The following ANAPC4 variants were observed in gnomAD, a reference collection of about 807,000 sequenced individuals.
The protein encoded by ANAPC4 is anaphase promoting complex subunit 4.
ANAPC4 carries 63 observed loss-of-function variants against 119.8 expected under a neutral mutation model. The ratio of observed to expected loss-of-function variants is 0.53; its 90% CI spans 0.43 to 0.65. ANAPC4 has a LOEUF of 0.65. Among genes scored for constraint, ANAPC4 ranks in the 30% least tolerant of loss-of-function variants. The pLI is 0.00. For synonymous variants in ANAPC4, 283 were observed against 318.6 expected (o/e 0.89, Z 1.19); for missense variants, 716 against 945.1 (o/e 0.76, Z 3.18).
chr4:25,386,710 C>G (rs1722057242), intron 4 of ANAPC4, among the ~76,000 whole-genome samples: 1 of 152,142 alleles, frequency 6.6e-6, no homozygotes, highest in Non-Finnish European at 1.5e-5. Context: ...AATAGACTTG[C>G]TTGGCTGATA....
At position 25,406,845 on chromosome 4, in the gene ANAPC4, T is replaced by C. The variant is rs1308122425; in HGVS notation, c.1334T>C (p.Ile445Thr). 23 of 1,604,500 alleles carry C rather than the reference T, an allele frequency of 1.4e-5. No homozygotes were observed. Among genetic ancestry groups the C allele is most frequent in the Non-Finnish European group, 2.0e-5 (23 of 1,176,360 alleles). The change falls in exon 19 of 29, where the codon ATC becomes ACC. Residue 445 changes from isoleucine (I) to threonine (T), a missense_variant. By Grantham distance (89) the Ile-to-Thr change is moderately conservative (BLOSUM62 -1). This residue lies in a region of ANAPC4 where 504 missense variants were observed against 615.8 expected (regional missense o/e 0.82). Transcript: ENST00000315368. ...PELNKMTQKD[I>T]TFVAEFLTEH... is the part of the protein sequence containing the mutation. ...TGTTGATAGATGACTCAGAAAGATA[T>C]CACATTTGTTGCTGAATTTCTTACT...
intron 2 of ANAPC4, among the ~76,000 whole-genome samples, chr4:25,378,816 GTC>G (rs1421208718): frequency 6.6e-6 from 1 of 152,218 alleles, no homozygotes; most frequent in African/African-American, 2.4e-5. Context: ...GGTTGTATGT[GTC>G]TCTCTCCGTT....
intron 16 of ANAPC4, among the ~76,000 whole-genome samples, chr4:25,398,865 G>A (rs1270901309): frequency 1.3e-5 from 2 of 151,724 alleles, no homozygotes; most frequent in Admixed American, 6.6e-5. Flanking sequence ...TTAGGGCCTT[G>A]GTACTTGAAA....
chr4:25,384,316 T>C (rs1721906945), intron 4 of ANAPC4, among the ~76,000 whole-genome samples: 1 of 152,208 alleles, frequency 6.6e-6, no homozygotes, highest in South Asian at 2.1e-4. Context: ...CAGTGAAGTG[T>C]TGAACCCCTC....
At chr4:25,403,891 G>A (rs13145257) in intron 17 of ANAPC4, among the ~76,000 whole-genome samples, 3,958 of 152,276 alleles carry the variant, frequency 0.026, 90 homozygotes, top group South Asian at 0.11. Flanking sequence ...GTAAGTATTT[G>A]CTGACTTGAT....
chr4:25,394,215 G>T, intron 11 of ANAPC4, 95 bp from the exon 12 acceptor site: 1 of 1,013,556 alleles, frequency 9.9e-7, no homozygotes, highest in Non-Finnish European at 1.4e-6. Context: ...GAAGTCTAAG[G>T]CAAGGAAAGG....
chr4:25,415,346 C>T, intron 25 of ANAPC4, 120 bp from the exon 26 acceptor site: 1 of 656,226 alleles, frequency 1.5e-6, no homozygotes. Flanking sequence ...TAAACAAGTT[C>T]TCAGTGTTCT....
chr4:25,392,899 A>G (rs1577380073), intron 10 of ANAPC4, among the ~76,000 whole-genome samples: 1 of 152,210 alleles, frequency 6.6e-6, no homozygotes, highest in Middle Eastern at 3.4e-3. Context: ...CACATCCTTC[A>G]TACTCCAGCG....
chr4:25,390,802 G>T (rs533003488), intron 8 of ANAPC4, 109 bp from the exon 9 acceptor site: 4 of 746,626 alleles, frequency 5.4e-6, no homozygotes, highest in African/African-American at 3.5e-5. Context: ...GGCTGGAGCT[G>T]GGAATTTGTT....
rs1723188032 is a variant in ANAPC4, at chr4:25,405,191, T to C, written c.1271-382T>C. On this transcript the variant is annotated intron_variant, in intron 17 of 28. Transcript: ENST00000315368. This position sits in a 1 kb window ranked among gnomAD's most constrained non-coding sequence, Gnocchi z 4.6. ...GACCAAGGGAAATAAACAGATTTCT[T>C]TGGTATCATAAGGCTTTGGAGGAAA... Among the ~76,000 whole-genome samples the C allele has an allele frequency of 1.3e-5, 2 of 151,484 alleles. No homozygotes were observed. The highest frequency in any genetic ancestry group is 4.2e-4 in the South Asian group (2 of 4,786).
chr4:25,416,358 C>T lies in ANAPC4; in HGVS notation c.1902-67C>T, dbSNP rs1723870456. ...TTTTTTCTGCTTGCTGCCAGTATAA[C>T]ATGCATACAATATTTTCTCAGTAGT... On this transcript the variant is annotated intron_variant, in intron 26 of 28. Coordinates refer to ENST00000315368, the MANE Select transcript of ANAPC4 (RefSeq NM_013367.3). The T allele has an allele frequency of 9.0e-6, 10 of 1,116,176 alleles. No homozygotes were observed. The South Asian group carries it at 2.4e-4, about 26-fold the overall frequency. 69.1% of individuals were successfully genotyped at this position (1,116,176 alleles called of 1,614,324 possible). A position where few individuals can be genotyped will look rare whatever the true frequency, so the allele number is the denominator to read the frequency against.
Position 25,407,259 on chromosome 4 carries a change from G to A in ANAPC4, c.1431+6G>A, listed in dbSNP as rs778845729. On this transcript the variant is annotated splice_donor_region_variant and intron_variant, in intron 20 of 28. Transcript: ENST00000315368. ...ACGTTGAAAGAGTTGGTCAGGTATG[G>A]GCTTTGAACTCATTTTAAAACCTTA... The A allele has an allele frequency of 6.2e-7, 1 of 1,600,268 alleles. No homozygotes were observed. Among genetic ancestry groups the A allele is most frequent in the Non-Finnish European group, 8.5e-7 (1 of 1,175,250 alleles).
At chr4:25,378,102 C>T (rs927447586) in intron 2 of ANAPC4, among the ~76,000 whole-genome samples, 2 of 152,198 alleles carry the variant, frequency 1.3e-5, no homozygotes, top group African/African-American at 4.8e-5. Flanking sequence ...ACTAAAAATA[C>T]CTCTAAATTG....
At chr4:25,413,480 A>G (rs143832801) in intron 21 of ANAPC4, 165 bp from the exon 22 acceptor site, 4 of 535,632 alleles carry the variant, frequency 7.5e-6, no homozygotes, top group African/African-American at 5.8e-5. Context: ...GCAGAAGACC[A>G]TGGTCGTTTT....
intron 2 of ANAPC4, among the ~76,000 whole-genome samples, chr4:25,378,736 T>TA (rs1721550366): frequency 6.6e-6 from 1 of 152,206 alleles, no homozygotes; most frequent in Non-Finnish European, 1.5e-5. Context: ...GGAAACCTAA[T>TA]AGGATTGCCA....
intron 16 of ANAPC4, among the ~76,000 whole-genome samples, chr4:25,401,351 C>T (rs1439566729): frequency 6.6e-6 from 1 of 152,138 alleles, no homozygotes; most frequent in Non-Finnish European, 1.5e-5. Flanking sequence ...ATACTGGTGC[C>T]CACGTGAAAG....
At chr4:25,401,641 A>C (rs1023501868) in intron 16 of ANAPC4, among the ~76,000 whole-genome samples, 4 of 152,226 alleles carry the variant, frequency 2.6e-5, no homozygotes, top group African/African-American at 9.6e-5. Flanking sequence ...CACAGGGCCT[A>C]CGCTCTTAAG....
intron 27 of ANAPC4, chr4:25,416,894 C>G (rs938097441): frequency 1.0e-5 from 2 of 198,526 alleles, no homozygotes; most frequent in Non-Finnish European, 2.0e-5. Flanking sequence ...TAGCATTAAC[C>G]CTAGTTGGTT....
At chr4:25,401,504 C>T (rs558980856) in intron 16 of ANAPC4, among the ~76,000 whole-genome samples, 2 of 152,256 alleles carry the variant, frequency 1.3e-5, no homozygotes, top group South Asian at 4.1e-4. Flanking sequence ...AGTTTGTCCC[C>T]CTGTGTCCAG....
Sources: allele counts gnomAD v4.1 joint callset (sites outside exome capture counted in the v4.1 genomes callset), GRCh38; gene constraint gnomAD v4.1.1; regional missense constraint gnomAD v4.1.1; non-coding constraint Gnocchi (gnomAD v3.1); transcripts MANE v1.5; gene names NCBI Gene and HGNC (gene_info 2026-07-23, HGNC 2026-07-21).